OTUD7B: variants seen among roughly 807,000 people sequenced by gnomAD.
The protein encoded by OTUD7B is OTU domain-containing protein 7B.
In OTUD7B, 34 loss-of-function variants were observed where a neutral mutation model predicts 82.2. The observed-to-expected ratio is 0.41, with a 90% CI of 0.31 to 0.55. The LOEUF is 0.55. Ranked by LOEUF, OTUD7B falls within the 20% of genes least tolerant of loss-of-function variation. The probability of loss-of-function intolerance (pLI) is 0.20; values close to 1 mark genes in which losing one functional copy is unlikely to be tolerated. For missense variants in OTUD7B, 944 were observed against 1,062.1 expected, an observed-to-expected ratio of 0.89 and a Z score of 1.55; for synonymous variants, 398 against 402.7, an observed-to-expected ratio of 0.99 and a Z score of 0.14.
chr1:149,981,955 C>A (rs1650764584), intron 1 of OTUD7B, among the ~76,000 whole-genome samples: 1 of 152,134 alleles, frequency 6.6e-6, no homozygotes, highest in East Asian at 1.9e-4. Context: ...CGAGACCATC[C>A]TGGCTAACAC....
chr1:150,061,928 T>C, the OTUD7B span, among the ~76,000 whole-genome samples: 1 of 152,180 alleles, frequency 6.6e-6, no homozygotes, highest in African/African-American at 2.4e-5. Context: ...TCACATATAC[T>C]TTCCCTAAGA....
At chr1:149,949,521 A>G in intron 9 of OTUD7B, 108 bp downstream of exon 9, 1 of 1,148,790 alleles carries the variant, frequency 8.7e-7, no homozygotes. Flanking sequence ...CAGTATCAAC[A>G]TGTGCTGTCT....
Position 149,950,118 on chromosome 1 carries a change from T to C in OTUD7B, c.949A>G (p.Met317Val), listed in dbSNP as rs202073778. 2.2e-4 allele frequency: 359 copies of C among 1,613,912 alleles called. 1 individual carries two copies. The highest frequency in any genetic ancestry group is 2.9e-4 in the Non-Finnish European group (345 of 1,180,026). Residue 317 changes from methionine (M) to valine (V), a missense_variant, in exon 8 of 12, where the codon ATG becomes GTG. By Grantham distance (21) the Met-to-Val change is conservative. Transcript: ENST00000581312. ...CCTTCCCCTCCGGAGTCCCTCAGCA[T>C]GGTGTCTGCCACGACGACTATGGGC... Reference protein sequence around the residue: ...RRPIVVVADTMLRDSGGEAFA... With the variant: ...RRPIVVVADTVLRDSGGEAFA...
chr1:149,988,445 AACCAAAGGGTAATATAAAG>A (rs1259974081), intron 1 of OTUD7B, among the ~76,000 whole-genome samples: 1 of 152,194 alleles, frequency 6.6e-6, no homozygotes, highest in African/African-American at 2.4e-5. Context: ...TCCCATCAAT[AACCAAAGGGTAATATAAAG>A]ATCAGGGACT....
chr1:149,948,066 G>A lies in OTUD7B; in HGVS notation c.1239-731C>T, dbSNP rs147528154. ...ACCATCTCAGCTCACTGCAACCTCC[G>A]CCTCCTGGATTCAAGTTATTCTCCT... On this transcript the variant is annotated intron_variant, in intron 10 of 11. Coordinates refer to ENST00000581312, the MANE Select transcript of OTUD7B (RefSeq NM_020205.4). Among the ~76,000 whole-genome samples the A allele has an allele frequency of 2.2e-3, 342 of 152,168 alleles. 1 individual carries two copies. The highest frequency in any genetic ancestry group is 7.9e-3 in the African/African-American group (326 of 41,518).
Position 149,940,714 on chromosome 1 carries a change from T to G in OTUD7B, c.*3143A>C, listed in dbSNP as rs1338838963. On this transcript the variant is annotated 3_prime_UTR_variant, in exon 12 of 12. Transcript: ENST00000581312. ...CACCCCTCCTTAACTAAGGAATTTTTCTGCCCATTTCGAGTGCAGGCCATA... is the reference window on the plus strand; with the variant it reads ...CACCCCTCCTTAACTAAGGAATTTTGCTGCCCATTTCGAGTGCAGGCCATA... 6.6e-6 allele frequency: 1 copy of G among 152,174 alleles called. No homozygotes were observed. Among genetic ancestry groups the G allele is most frequent in the Non-Finnish European group, 1.5e-5 (1 of 68,048 alleles). 9.4% of individuals were successfully genotyped at this position (152,174 alleles called of 1,614,324 possible).
chr1:149,976,128 T>A (rs1650290629), intron 2 of OTUD7B, among the ~76,000 whole-genome samples: 1 of 152,148 alleles, frequency 6.6e-6, no homozygotes, highest in Non-Finnish European at 1.5e-5. Context: ...TCCTCACGGG[T>A]AGCCAAGCAA....
At chr1:150,043,283 C>T in the OTUD7B span, among the ~76,000 whole-genome samples, 1 of 151,904 alleles carries the variant, frequency 6.6e-6, no homozygotes, top group Admixed American at 6.6e-5. Flanking sequence ...CAGAGCAGAT[C>T]AACTAGGTAA....
intron 1 of OTUD7B, among the ~76,000 whole-genome samples, chr1:149,990,079 T>C (rs1261860320): frequency 1.3e-5 from 2 of 152,214 alleles, no homozygotes; most frequent in Middle Eastern, 3.2e-3. Context: ...TACCAGGCAC[T>C]GCCATGGGGC....
At chr1:149,991,755 G>C (rs1259368857) in intron 1 of OTUD7B, among the ~76,000 whole-genome samples, 1 of 152,094 alleles carries the variant, frequency 6.6e-6, no homozygotes, top group Non-Finnish European at 1.5e-5. Flanking sequence ...GACTTCACAT[G>C]TACCACTAGC....
At chr1:150,052,013 G>T in the OTUD7B span, among the ~76,000 whole-genome samples, 1 of 152,024 alleles carries the variant, frequency 6.6e-6, no homozygotes, top group Non-Finnish European at 1.5e-5. Flanking sequence ...TGCATTAAAG[G>T]AACATACCTC....
rs966427167 is a variant in OTUD7B at position 149,943,656 on chromosome 1, C to T, written c.*201G>A. The T allele has an allele frequency of 3.3e-6, 2 of 606,188 alleles. No individual in the cohort carries two copies. The highest frequency in any genetic ancestry group is 5.9e-6 in the Non-Finnish European group (2 of 340,448). 37.6% of individuals were successfully genotyped at this position (606,188 alleles called of 1,614,324 possible). ...AGTCAAGCTCTGCAGAGGAATAGTA[C>T]AGCCCCTGAGGTGCCATCCAGCCCC... is the stretch of plus-strand genomic sequence containing the variant. On this transcript the variant is annotated 3_prime_UTR_variant, in exon 12 of 12. Coordinates refer to ENST00000581312, the MANE Select transcript of OTUD7B (RefSeq NM_020205.4).
At chr1:150,052,823 C>CAAA in the OTUD7B span, among the ~76,000 whole-genome samples, 1,208 of 146,266 alleles carry the variant, frequency 8.3e-3, 5 homozygotes, top group Non-Finnish European at 9.5e-3. Context: ...AAACAAAAAA[C>CAAA]AAAAAAAAAA....
At chr1:150,041,669 C>A in the OTUD7B span, among the ~76,000 whole-genome samples, 1 of 152,150 alleles carries the variant, frequency 6.6e-6, no homozygotes, top group African/African-American at 2.4e-5. Flanking sequence ...CCTTCTCCAT[C>A]TTTCTTTTTT....
intron 2 of OTUD7B, among the ~76,000 whole-genome samples, chr1:149,974,402 A>G (rs1293578276): frequency 6.6e-6 from 1 of 151,880 alleles, no homozygotes; most frequent in East Asian, 1.9e-4. Flanking sequence ...ATTGTTAAAA[A>G]CTCAAATCCA....
At chr1:150,034,186 ATC>A in the OTUD7B span, among the ~76,000 whole-genome samples, 1 of 152,210 alleles carries the variant, frequency 6.6e-6, no homozygotes, top group Admixed American at 6.5e-5. Flanking sequence ...TTACTAATAA[ATC>A]TGTTTCATTT....
the OTUD7B span, among the ~76,000 whole-genome samples, chr1:150,052,109 A>C: frequency 9.2e-5 from 14 of 152,228 alleles, no homozygotes; most frequent in Non-Finnish European, 5.9e-5. Flanking sequence ...GAAAACTGGC[A>C]CAGGACAAGG....
At chr1:149,999,933 G>A (rs587710142) in intron 1 of OTUD7B, among the ~76,000 whole-genome samples, 2 of 152,256 alleles carry the variant, frequency 1.3e-5, no homozygotes, top group South Asian at 4.1e-4. Context: ...AACTATTTTA[G>A]AACACAGCAC....
At chr1:150,036,402 G>A in the OTUD7B span, among the ~76,000 whole-genome samples, 2,456 of 152,016 alleles carry the variant, frequency 0.016, 62 homozygotes, top group African/African-American at 0.053. Flanking sequence ...TGGGATTACA[G>A]GCATGTGCCA....
Sources: gnomAD v4.1 joint callset for allele counts (sites outside exome capture counted in the v4.1 genomes callset) on GRCh38, gnomAD v4.1.1 for gene constraint, MANE v1.5 for transcripts, NCBI Gene and HGNC (gene_info 2026-07-23, HGNC 2026-07-21) for gene names.